Variants in RYR3 observed in about 807,000 individuals in gnomAD.
RYR3 encodes ryanodine receptor 3.
Under a neutral mutation model 584.3 loss-of-function variants are expected in RYR3, and 207 were observed. The observed-to-expected ratio is 0.35, with a 90% CI of 0.32 to 0.40. The LOEUF (loss-of-function observed/expected upper bound fraction) is 0.40, where lower values mean the gene tolerates loss of function less well. Ranked by LOEUF, RYR3 falls within the 10% of genes least tolerant of loss-of-function variation. The probability of loss-of-function intolerance (pLI) is 1.00; values close to 1 mark genes in which losing one functional copy is unlikely to be tolerated. For synonymous variants in RYR3, 2,416 were observed against 2,248.5 expected (o/e 1.07, Z -2.11); for missense variants, 5,616 against 6,089.2 (o/e 0.92, Z 2.59).
At chr15:33,473,245 C>T in intron 1 of RYR3, 174 bp from the exon 2 acceptor site, 1 of 798,062 alleles carries the variant, frequency 1.3e-6, no homozygotes, top group African/African-American at 1.7e-5. Context: ...GGTAGATGCT[C>T]CGTGATGTCC....
rs146744970 is a variant in RYR3 at position 33,862,738 on chromosome 15, G to C, written c.14466-1400G>C. On this transcript the variant is annotated intron_variant, in intron 102 of 103. Transcript: ENST00000634891. ...TGATTCTCCTGCCTCAGCCTCCTGA[G>C]TAGCTGGGACTACAGGCACCTGCCA... 7.7e-3 allele frequency among the ~76,000 whole-genome samples: 1,167 copies of C among 152,204 alleles called. 5 individuals are homozygous for C. Among genetic ancestry groups the C allele is most frequent in the Non-Finnish European group, 0.012 (825 of 68,008 alleles).
rs761110313 is a variant in RYR3 at position 33,728,915 on chromosome 15, T to A, written c.7092T>A (p.Pro2364=). The A allele has an allele frequency of 9.3e-6, 15 of 1,613,586 alleles. No homozygotes were observed. In the South Asian group the frequency reaches 9.9e-5, roughly 11 times the overall value. ...ATTTCTGCCCTGACCACAAGGCACCTATGGTGCTGTTCTTGGACCGCGTTT... is the reference window on the plus strand; with the variant it reads ...ATTTCTGCCCTGACCACAAGGCACCAATGGTGCTGTTCTTGGACCGCGTTT... ...AANFCPDHKA[P]MVLFLDRVYG... is the part of the protein sequence containing the mutation. The change falls in exon 47 of 104, where the codon CCT becomes CCA. Residue 2364 remains proline, a synonymous_variant. Coordinates refer to ENST00000634891, the MANE Select transcript of RYR3 (RefSeq NM_001036.6).
intron 69 of RYR3, among the ~76,000 whole-genome samples, chr15:33,802,265 T>C (rs1451130873): frequency 6.6e-6 from 1 of 152,236 alleles, no homozygotes; most frequent in Non-Finnish European, 1.5e-5. Context: ...AAAATAGAAC[T>C]TCTTCCTGTG....
At position 33,838,463 on chromosome 15, in the gene RYR3, C is replaced by T. The variant is rs372854688; in HGVS notation, c.12483C>T (p.Thr4161=). The T allele has an allele frequency of 6.2e-7, 1 of 1,613,950 alleles. No individual in the cohort carries two copies. Among genetic ancestry groups the T allele is most frequent in the Non-Finnish European group, 8.5e-7 (1 of 1,179,888 alleles). Residue 4161 remains threonine, a synonymous_variant, in exon 89 of 104, where the codon ACC becomes ACT. Transcript: ENST00000634891. ...RNVTDFLKRA[T]LKNLRKQYRN... is the part of the protein sequence containing the mutation. Reference sequence around the variant, plus strand: ...TCACCGACTTCCTGAAGAGAGCAACCCTGAAGAACCTCAGGAAGCAGTACA... The same window carrying T: ...TCACCGACTTCCTGAAGAGAGCAACTCTGAAGAACCTCAGGAAGCAGTACA...
In RYR3 at chr15:33,838,568, C is replaced by A. The variant is rs1274693719; in HGVS notation, c.12588C>A (p.Phe4196Leu). 3 of 1,613,936 alleles carry A rather than the reference C, an allele frequency of 1.9e-6. No individual in the cohort carries two copies. Among genetic ancestry groups the A allele is most frequent in the Non-Finnish European group, 2.5e-6 (3 of 1,179,884 alleles). Residue 4196 changes from phenylalanine (F) to leucine (L), a missense_variant, in exon 89 of 104, where the codon TTC (phenylalanine) becomes TTA (leucine). Physicochemically the swap from Phe to Leu is conservative, Grantham distance 22. Transcript: ENST00000634891. The part of the protein sequence containing the change: ...SFFWMLFVGL[F>L]QLLFTILGGI... ...TCTGGATGCTGTTCGTGGGGCTATT[C>A]CAGTTGCTCTTCACCATCCTGGGAG...
intron 60 of RYR3, among the ~76,000 whole-genome samples, chr15:33,762,540 G>A (rs993236210): frequency 6.6e-5 from 10 of 151,966 alleles, no homozygotes; most frequent in East Asian, 5.8e-4. Flanking sequence ...CATAAAATAC[G>A]TAGGAATACA....
intron 1 of RYR3, among the ~76,000 whole-genome samples, chr15:33,449,322 C>G (rs2046918724): frequency 6.6e-6 from 1 of 152,174 alleles, no homozygotes; most frequent in Non-Finnish European, 1.5e-5. Flanking sequence ...ACATGACCCC[C>G]TCCGTAAGGC....
At chr15:33,573,945 AG>A (rs2152502489) in intron 12 of RYR3, among the ~76,000 whole-genome samples, 1 of 152,340 alleles carries the variant, frequency 6.6e-6, no homozygotes, top group South Asian at 2.1e-4. Flanking sequence ...AGTCTAGTGG[AG>A]GACTATAATA....
At chr15:33,329,576 G>A (rs1225555870) in intron 1 of RYR3, among the ~76,000 whole-genome samples, 5 of 151,880 alleles carry the variant, frequency 3.3e-5, no homozygotes, top group African/African-American at 1.2e-4. Flanking sequence ...CCACTTTTGA[G>A]CATCTTTGTC....
At chr15:33,827,162 G>T (rs903797757) in intron 84 of RYR3, 37 bp from the exon 85 acceptor site, 1 of 1,524,704 alleles carries the variant, frequency 6.6e-7, no homozygotes, top group South Asian at 1.2e-5. Context: ...CCTCGGCATG[G>T]CAGGGACAAG....
intron 1 of RYR3, among the ~76,000 whole-genome samples, chr15:33,440,987 T>C (rs956074068): frequency 6.6e-6 from 1 of 152,190 alleles, no homozygotes; most frequent in Non-Finnish European, 1.5e-5. Flanking sequence ...GTAACGATGA[T>C]TTCTTGAGTC....
intron 8 of RYR3, among the ~76,000 whole-genome samples, chr15:33,544,639 G>T (rs112568681): frequency 3.3e-5 from 5 of 152,080 alleles, no homozygotes; most frequent in African/African-American, 1.2e-4. Flanking sequence ...AAGGACCCCC[G>T]CAGAAGCAAT....
intron 1 of RYR3, among the ~76,000 whole-genome samples, chr15:33,343,599 CTG>C (rs1203746504): frequency 2.0e-5 from 3 of 152,202 alleles, no homozygotes; most frequent in African/African-American, 7.2e-5. Context: ...CTATTTTTTA[CTG>C]TGTCATGAAA....
chr15:33,841,926 C>G lies in RYR3; in HGVS notation c.13100C>G (p.Thr4367Arg), dbSNP rs1369228737. ...GAGGAGCAAGCTGAGTACCTGTGGACAGAAGTGACAAAAAAGAAGAAGCGG... is the reference window on the plus strand; with the variant it reads ...GAGGAGCAAGCTGAGTACCTGTGGAGAGAAGTGACAAAAAAGAAGAAGCGG... ...KEEEQAEYLW[T>R]EVTKKKKRRC... is the part of the protein sequence containing the mutation. Residue 4367 changes from threonine (T) to arginine (R), a missense_variant, in exon 91 of 104, where the codon ACA becomes AGA. Transcript: ENST00000634891. 1.9e-6 allele frequency: 3 copies of G among 1,598,390 alleles called. No homozygotes were observed. Among genetic ancestry groups the G allele is most frequent in the Non-Finnish European group, 1.7e-6 (2 of 1,172,508 alleles).
At chr15:33,557,786 C>T (rs1024518924) in intron 10 of RYR3, among the ~76,000 whole-genome samples, 2 of 152,138 alleles carry the variant, frequency 1.3e-5, no homozygotes, top group African/African-American at 4.8e-5. Context: ...TTAAACCAGT[C>T]GTAGCAATTT....
chr15:33,472,780 A>G (rs2142219110), intron 1 of RYR3, among the ~76,000 whole-genome samples: 1 of 152,196 alleles, frequency 6.6e-6, no homozygotes, highest in South Asian at 2.1e-4. Context: ...GAGAATTCAG[A>G]GCAGTTCTTC....
intron 68 of RYR3, 136 bp downstream of exon 68, chr15:33,800,993 T>G: frequency 1.5e-6 from 1 of 665,044 alleles, no homozygotes; most frequent in Non-Finnish European, 2.7e-6. Flanking sequence ...CCACGACCCA[T>G]GACACTGCCT....
intron 1 of RYR3, among the ~76,000 whole-genome samples, chr15:33,453,201 T>C (rs1342153166): frequency 6.6e-6 from 1 of 151,626 alleles, no homozygotes; most frequent in Admixed American, 6.6e-5. Context: ...CTTAAGAACA[T>C]TTGAAAGGTT....
rs1188249908 is a variant in RYR3 at position 33,530,609 on chromosome 15, C to T, written c.297C>T (p.Gly99=). ...NGGEGAAQGG[G]HRTLLYGHAV... is the part of the protein sequence containing the mutation. Reference sequence around the variant, plus strand: ...TCCCACAGGCAGCACAAGGAGGTGGCCACAGGACCCTGTTATACGGCCATG... The same window carrying T: ...TCCCACAGGCAGCACAAGGAGGTGGTCACAGGACCCTGTTATACGGCCATG... Residue 99 remains glycine, a synonymous_variant, in exon 4 of 104, where the codon GGC becomes GGT. Transcript: ENST00000634891. 2.5e-6 allele frequency: 4 copies of T among 1,613,322 alleles called. No homozygotes were observed. The African/African-American group carries it at 4.0e-5, about 16-fold the overall frequency.
Sources: allele counts gnomAD v4.1 joint callset (sites outside exome capture counted in the v4.1 genomes callset), GRCh38; gene constraint gnomAD v4.1.1; transcripts MANE v1.5; gene names NCBI Gene and HGNC (gene_info 2026-07-23, HGNC 2026-07-21).